The following GRID1 variants were observed in gnomAD, a reference collection of about 807,000 sequenced individuals.
GRID1 encodes glutamate ionotropic receptor delta type subunit 1.
GRID1 carries 28 observed loss-of-function variants against 98.0 expected under a neutral mutation model. The ratio of observed to expected loss-of-function variants is 0.29; its 90% confidence interval spans 0.21 to 0.39. GRID1 has a LOEUF of 0.39. Ranked by LOEUF, GRID1 falls within the 10% of genes least tolerant of loss-of-function variation. The probability of loss-of-function intolerance (pLI) is 1.00; values close to 1 mark genes in which losing one functional copy is unlikely to be tolerated. For synonymous variants in GRID1, 553 were observed against 538.5 expected (o/e 1.03, Z -0.37); for missense variants, 1,111 against 1,340.5 (o/e 0.83, Z 2.67).
chr10:85,733,076 T>C (rs568036205), intron 8 of GRID1, among the ~76,000 whole-genome samples: 16 of 152,308 alleles, frequency 1.1e-4, no homozygotes, highest in African/African-American at 2.9e-4. Flanking sequence ...AGAATGTCAA[T>C]AGATCCATAA....
chr10:86,339,908 G>A (rs377088468), intron 2 of GRID1, among the ~76,000 whole-genome samples: 12 of 152,156 alleles, frequency 7.9e-5, no homozygotes, highest in East Asian at 3.8e-4. Flanking sequence ...TTAACCCATC[G>A]TCCAGCCAAG....
chr10:85,771,886 CCCCACTG>C (rs544830831), intron 8 of GRID1, among the ~76,000 whole-genome samples: 49 of 152,268 alleles, frequency 3.2e-4, no homozygotes, highest in African/African-American at 1.2e-3. Flanking sequence ...GACTTTAACA[CCCCACTG>C]TCAACATTAG....
chr10:86,020,796 C>G (rs1843038387), intron 4 of GRID1, among the ~76,000 whole-genome samples: 1 of 152,196 alleles, frequency 6.6e-6, no homozygotes, highest in Non-Finnish European at 1.5e-5. Flanking sequence ...CTTCTGGGAG[C>G]AGCATCTTCC....
intron 4 of GRID1, among the ~76,000 whole-genome samples, chr10:85,984,791 C>G (rs1842589328): frequency 6.6e-6 from 1 of 152,152 alleles, no homozygotes; most frequent in Non-Finnish European, 1.5e-5. Context: ...TCACAGCCCC[C>G]ACCTTGAGTC....
At position 86,264,696 on chromosome 10, in the gene GRID1, G is replaced by A. The variant is rs775130380; in HGVS notation, c.236-58048C>T. On this transcript the variant is annotated intron_variant, in intron 2 of 15. Transcript: ENST00000327946. ...AAGAGCCATGTCCCATGCAGGAGCC[G>A]CTCTGCCCAGGCAGCTGCAGGCCCA... 4 of 476,442 alleles carry A rather than the reference G, an allele frequency of 8.4e-6. No homozygotes were observed. The East Asian group carries it at 2.0e-4, about 23-fold the overall frequency. The allele number at this position is 476,442 out of a possible 1,614,324, so 29.5% of individuals were successfully genotyped here.
intron 3 of GRID1, among the ~76,000 whole-genome samples, chr10:86,141,167 G>A (rs1845005600): frequency 1.3e-5 from 2 of 152,120 alleles, no homozygotes; most frequent in African/African-American, 4.8e-5. Context: ...AAGAAAGGTA[G>A]CCAACTGAGG....
chr10:86,042,992 G>A (rs1447551243), intron 4 of GRID1, among the ~76,000 whole-genome samples: 2 of 152,048 alleles, frequency 1.3e-5, no homozygotes, highest in Non-Finnish European at 2.9e-5. Flanking sequence ...GGCTGAGGTG[G>A]AAGGATCCCT....
At chr10:86,294,588 G>A (rs1179685135) in intron 2 of GRID1, among the ~76,000 whole-genome samples, 2 of 152,216 alleles carry the variant, frequency 1.3e-5, no homozygotes, top group Admixed American at 6.5e-5. Flanking sequence ...CTGAGCACTG[G>A]AGGGAGGGCA....
At chr10:85,865,932 T>TACACATATATAC (rs1564613262) in intron 6 of GRID1, among the ~76,000 whole-genome samples, 9 of 114,158 alleles carry the variant, frequency 7.9e-5, no homozygotes, top group African/African-American at 3.1e-4. Context: ...TATATATATA[T>TACACATATATAC]ATATATATAT....
At chr10:85,956,333 C>G (rs762348437) in intron 4 of GRID1, among the ~76,000 whole-genome samples, 2 of 151,898 alleles carry the variant, frequency 1.3e-5, no homozygotes, top group Non-Finnish European at 2.9e-5. Context: ...TTTCTCAACC[C>G]TTCCTATTCC....
At chr10:86,226,894 A>G (rs1416504015) in intron 2 of GRID1, among the ~76,000 whole-genome samples, 1 of 151,988 alleles carries the variant, frequency 6.6e-6, no homozygotes, top group African/African-American at 2.4e-5. Flanking sequence ...CCTGGAGACA[A>G]CTGCAGGGAA....
intron 2 of GRID1, among the ~76,000 whole-genome samples, chr10:86,327,114 C>A (rs145446533): frequency 2.6e-5 from 4 of 152,176 alleles, no homozygotes; most frequent in African/African-American, 9.6e-5. Flanking sequence ...CCAGCCTGGG[C>A]GACAGAGCAA....
intron 4 of GRID1, among the ~76,000 whole-genome samples, chr10:86,063,725 A>G (rs1843680064): frequency 6.6e-6 from 1 of 152,208 alleles, no homozygotes. Flanking sequence ...CAAAGAAGAA[A>G]AAGTAGGAAT....
At chr10:85,632,049 C>T (rs1020848367) in intron 13 of GRID1, among the ~76,000 whole-genome samples, 2 of 152,006 alleles carry the variant, frequency 1.3e-5, no homozygotes, top group Non-Finnish European at 2.9e-5. Flanking sequence ...GTCCTGTTTG[C>T]TCCCCTAGCA....
intron 4 of GRID1, among the ~76,000 whole-genome samples, chr10:85,980,470 T>C (rs1208748103): frequency 6.6e-6 from 1 of 152,230 alleles, no homozygotes; most frequent in African/African-American, 2.4e-5. Flanking sequence ...GCACAGCTAA[T>C]GCCATTTGAT....
At chr10:85,880,317 C>G (rs1386100642) in intron 5 of GRID1, among the ~76,000 whole-genome samples, 2 of 151,852 alleles carry the variant, frequency 1.3e-5, no homozygotes, top group South Asian at 2.1e-4. Flanking sequence ...GAGACACAAC[C>G]AAAAAAGAGA....
At chr10:85,626,696 C>A (rs985066478) in intron 13 of GRID1, among the ~76,000 whole-genome samples, 1 of 152,146 alleles carries the variant, frequency 6.6e-6, no homozygotes, top group African/African-American at 2.4e-5. Context: ...CCTATAGTCA[C>A]GTTCATTCAA....
chr10:86,165,811 G>A (rs182612552), intron 3 of GRID1, among the ~76,000 whole-genome samples: 2 of 152,232 alleles, frequency 1.3e-5, no homozygotes, highest in Admixed American at 6.5e-5. Context: ...AGGGCAAGAC[G>A]GCGCTGTGAG....
At chr10:85,612,324 C>T (rs1186416010) in intron 15 of GRID1, among the ~76,000 whole-genome samples, 1 of 152,144 alleles carries the variant, frequency 6.6e-6, no homozygotes, top group East Asian at 1.9e-4. Context: ...AGCCCGCCGG[C>T]TCTTACCTCC....
Sources: gnomAD v4.1 joint callset for allele counts (sites outside exome capture counted in the v4.1 genomes callset) on GRCh38, gnomAD v4.1.1 for gene constraint, MANE v1.5 for transcripts, NCBI Gene and HGNC (gene_info 2026-07-23, HGNC 2026-07-21) for gene names.